The following NRXN1 variants were observed in gnomAD, a reference collection of about 807,000 sequenced individuals.
NRXN1 encodes neurexin-1.
NRXN1 carries 39 observed loss-of-function variants against 150.9 expected under a neutral mutation model. The observed-to-expected ratio is 0.26, with a 90% CI of 0.20 to 0.34. The LOEUF (loss-of-function observed/expected upper bound fraction) is 0.34, where lower values mean the gene tolerates loss of function less well. Among genes scored for constraint, NRXN1 ranks in the 10% least tolerant of loss-of-function variants. The probability of loss-of-function intolerance (pLI) is 1.00; values close to 1 mark genes in which losing one functional copy is unlikely to be tolerated. For missense variants in NRXN1, 1,815 were observed against 1,949.9 expected (o/e 0.93, Z 1.30); for synonymous variants, 924 against 757.0 (o/e 1.22, Z -3.62).
At chr2:50,629,777 T>G (rs1649850003) in intron 5 of NRXN1, among the ~76,000 whole-genome samples, 1 of 151,636 alleles carries the variant, frequency 6.6e-6, no homozygotes, top group Non-Finnish European at 1.5e-5. Context: ...TAATTTCAAT[T>G]GTCACTTTTT....
At chr2:50,912,199 C>T (rs544099919) in intron 5 of NRXN1, 2 of 151,920 alleles carry the variant, frequency 1.3e-5, no homozygotes, top group South Asian at 4.1e-4. Flanking sequence ...GGCATTAGAT[C>T]TTCTGGGGGA....
At chr2:50,486,150 T>C (rs546982324) in intron 15 of NRXN1, among the ~76,000 whole-genome samples, 2 of 152,294 alleles carry the variant, frequency 1.3e-5, no homozygotes, top group South Asian at 4.1e-4. Flanking sequence ...AAAATGATAT[T>C]ATAGCTTGAC....
At chr2:50,894,007 G>A (rs888686781) in intron 5 of NRXN1, among the ~76,000 whole-genome samples, 2 of 151,818 alleles carry the variant, frequency 1.3e-5, no homozygotes, top group Non-Finnish European at 2.9e-5. Flanking sequence ...TATCACTGTT[G>A]GACATTTGGG....
intron 5 of NRXN1, chr2:50,637,460 T>A (rs1349523143): frequency 3.3e-5 from 5 of 152,180 alleles, no homozygotes; most frequent in Non-Finnish European, 5.9e-5. Context: ...CGTCCCAAGT[T>A]CAACAGAGTT....
intron 8 of NRXN1, among the ~76,000 whole-genome samples, chr2:50,600,566 C>A (rs896463548): frequency 6.6e-6 from 1 of 152,072 alleles, no homozygotes; most frequent in Admixed American, 6.6e-5. Flanking sequence ...CTCAAGTGAT[C>A]CACCTGCCTC....
At chr2:50,424,398 G>A (rs1210214547) in intron 17 of NRXN1, among the ~76,000 whole-genome samples, 1 of 151,722 alleles carries the variant, frequency 6.6e-6, no homozygotes, top group Non-Finnish European at 1.5e-5. Context: ...AGAAATGTTT[G>A]CAAATCAGAG....
chr2:50,911,452 C>T (rs533385790), intron 5 of NRXN1, among the ~76,000 whole-genome samples: 4 of 151,678 alleles, frequency 2.6e-5, no homozygotes, highest in Non-Finnish European at 4.4e-5. Context: ...TTCTGAATGT[C>T]TAATAAGAAT....
chr2:50,828,371 G>T (rs1670828606), intron 5 of NRXN1, among the ~76,000 whole-genome samples: 1 of 143,062 alleles, frequency 7.0e-6, no homozygotes, highest in South Asian at 2.3e-4. Context: ...GGCGGGGGCT[G>T]ACCCCCACCT....
intron 19 of NRXN1, among the ~76,000 whole-genome samples, chr2:50,071,170 G>A (rs1379971798): frequency 9.2e-5 from 14 of 152,168 alleles, no homozygotes; most frequent in African/African-American, 3.1e-4. Context: ...TAACTAGGCC[G>A]TATAACTCTG....
chr2:50,117,716 T>C (rs1172000034), intron 18 of NRXN1, among the ~76,000 whole-genome samples: 2 of 151,042 alleles, frequency 1.3e-5, no homozygotes. Flanking sequence ...CATAGAAGAG[T>C]TTCAATGAGT....
At chr2:49,996,742 C>T (rs954736662) in intron 21 of NRXN1, among the ~76,000 whole-genome samples, 28 of 152,316 alleles carry the variant, frequency 1.8e-4, no homozygotes, top group African/African-American at 6.7e-4. Flanking sequence ...TCCCCTAAAG[C>T]CTCCAGAAGG....
chr2:50,285,425 C>A (rs1039780756), intron 17 of NRXN1, among the ~76,000 whole-genome samples: 1 of 152,126 alleles, frequency 6.6e-6, no homozygotes, highest in African/African-American at 2.4e-5. Context: ...CACAACCCCC[C>A]ACACACACTC....
chr2:50,097,722 C>A (rs1202468005), intron 18 of NRXN1, among the ~76,000 whole-genome samples: 2 of 151,990 alleles, frequency 1.3e-5, no homozygotes, highest in Non-Finnish European at 1.5e-5. Context: ...TCTCTGCAAC[C>A]TTTGCTTCCT....
chr2:50,646,694 T>C (rs1377024638), intron 5 of NRXN1, among the ~76,000 whole-genome samples: 2 of 150,004 alleles, frequency 1.3e-5, no homozygotes, highest in African/African-American at 4.9e-5. Context: ...CCTGCCTCTG[T>C]ACTTTCATGT....
chr2:50,620,339 T>C (rs1391616723), intron 7 of NRXN1, among the ~76,000 whole-genome samples, 156 bp from the exon 8 acceptor site: 1 of 152,186 alleles, frequency 6.6e-6, no homozygotes, highest in Non-Finnish European at 1.5e-5. Flanking sequence ...TTTTTAGACC[T>C]ATGACGGAAC....
At chr2:50,498,492 A>G (rs938579003) in intron 13 of NRXN1, among the ~76,000 whole-genome samples, 10 of 152,148 alleles carry the variant, frequency 6.6e-5, no homozygotes, top group Non-Finnish European at 1.2e-4. Flanking sequence ...CCATACCACA[A>G]GGCAAAAATC....
chr2:50,660,106 T>A (rs2104632765), intron 5 of NRXN1, among the ~76,000 whole-genome samples: 1 of 152,144 alleles, frequency 6.6e-6, no homozygotes, highest in South Asian at 2.1e-4. Context: ...CACTGGGGAC[T>A]TGGAAGGTCA....
At chr2:50,808,678 C>A (rs948026556) in intron 5 of NRXN1, among the ~76,000 whole-genome samples, 3 of 152,014 alleles carry the variant, frequency 2.0e-5, no homozygotes, top group Admixed American at 6.6e-5. Flanking sequence ...AAATACTTGG[C>A]CTCTGATAAT....
chr2:50,774,723 T>C (rs1703398943), intron 5 of NRXN1, among the ~76,000 whole-genome samples: 1 of 152,158 alleles, frequency 6.6e-6, no homozygotes, highest in Non-Finnish European at 1.5e-5. Context: ...TGAGTTTCAA[T>C]GACTCAAGTT....
Sources: gnomAD v4.1 joint callset for allele counts (sites outside exome capture counted in the v4.1 genomes callset) on GRCh38, gnomAD v4.1.1 for gene constraint, MANE v1.5 for transcripts, NCBI Gene and HGNC (gene_info 2026-07-23, HGNC 2026-07-21) for gene names.